The following PSMC2 variants were observed in gnomAD, a reference collection of about 807,000 sequenced individuals.
The protein encoded by PSMC2 is 26S proteasome regulatory subunit 7.
A neutral mutation model predicts 53.3 loss-of-function variants in PSMC2; 7 were observed. The observed-to-expected ratio is 0.13, with a 90% CI of 0.07 to 0.25. The LOEUF is 0.25. PSMC2 is among the 10% of genes least tolerant of loss of function. The pLI, the probability that PSMC2 is intolerant of heterozygous loss-of-function variation, is 1.00. For synonymous variants in PSMC2, 169 were observed against 183.9 expected (o/e 0.92, Z 0.66); for missense variants, 241 against 544.0 (o/e 0.44, Z 5.54).
At position 103,367,945 on chromosome 7, in the gene PSMC2, G is replaced by C; in HGVS notation, c.1193G>C (p.Arg398Thr). ...VCTEAGMFAIRARRKIATEKD... is the reference protein window; with the variant it reads ...VCTEAGMFAITARRKIATEKD... Reference sequence around the variant, plus strand: ...ACAGAGGCTGGTATGTTTGCCATCAGAGCACGGCGAAAAATTGCTACCGAG... The same window carrying C: ...ACAGAGGCTGGTATGTTTGCCATCACAGCACGGCGAAAAATTGCTACCGAG... Residue 398 changes from arginine to threonine, a missense_variant, in exon 12 of 12, where the codon AGA (arginine) becomes ACA (threonine). Transcript: ENST00000292644. This position sits in a 1 kb window ranked among gnomAD's most constrained non-coding sequence, Gnocchi z 6.1. 1 of 1,614,086 alleles carries C rather than the reference G, an allele frequency of 6.2e-7. No individual in the cohort carries two copies. Among genetic ancestry groups the C allele is most frequent in the Non-Finnish European group, 8.5e-7 (1 of 1,180,012 alleles).
chr7:103,355,669 A>C, intron 3 of PSMC2, 25 bp from the exon 4 acceptor site: 1 of 1,563,400 alleles, frequency 6.4e-7, no homozygotes, highest in Non-Finnish European at 8.8e-7. Context: ...CATTTTAGTA[A>C]ATTTTGTCAT....
intron 3 of PSMC2, 123 bp from the exon 4 acceptor site, chr7:103,355,571 T>G (rs1819986557): frequency 2.9e-6 from 2 of 696,120 alleles, no homozygotes; most frequent in Non-Finnish European, 4.9e-6. Context: ...CAGTCTATAA[T>G]GCACATGATA....
chr7:103,355,923 A>G (rs904438383), intron 4 of PSMC2, 130 bp downstream of exon 4: 3 of 618,462 alleles, frequency 4.9e-6, no homozygotes, highest in African/African-American at 3.6e-5. Context: ...AAAGCTTTCT[A>G]CAAAACTGGG....
chr7:103,354,513 C>T (rs372152575), intron 2 of PSMC2, among the ~76,000 whole-genome samples: 2 of 151,942 alleles, frequency 1.3e-5, no homozygotes, highest in South Asian at 2.1e-4. Context: ...GGATTATGAG[C>T]GCCCACCACC....
intron 8 of PSMC2, among the ~76,000 whole-genome samples, chr7:103,364,954 C>CGTACATATATATATATAT (rs1486934625): frequency 5.1e-5 from 2 of 38,962 alleles, no homozygotes; most frequent in Non-Finnish European, 9.0e-5. Flanking sequence ...TGTTTGTAGA[C>CGTACATATATATATATAT]ATACATATAT....
At chr7:103,360,686 G>GT (rs1820333399) in intron 4 of PSMC2, among the ~76,000 whole-genome samples, 1 of 152,060 alleles carries the variant, frequency 6.6e-6, no homozygotes, top group African/African-American at 2.4e-5. Flanking sequence ...TCTGTTTTTT[G>GT]TTTTTGTTTT....
chr7:103,367,905 A>G lies in PSMC2; in HGVS notation c.1153A>G (p.Ile385Val). The G allele has an allele frequency of 6.2e-7, 1 of 1,613,600 alleles. No individual in the cohort carries two copies. Among genetic ancestry groups the G allele is most frequent in the East Asian group, 2.2e-5 (1 of 44,866 alleles). The change falls in exon 12 of 12, where the codon ATT becomes GTT. Residue 385 changes from isoleucine (I) to valine (V), a missense_variant. Coordinates refer to ENST00000292644, the MANE Select transcript of PSMC2 (RefSeq NM_002803.4). This position sits in a 1 kb window ranked among gnomAD's most constrained non-coding sequence, Gnocchi z 6.1. Reference sequence around the variant, plus strand: ...TTCTTTTTGTTTGAAAGGTGCTGAGATTAGAAGCGTCTGCACAGAGGCTGG... The same window carrying G: ...TTCTTTTTGTTTGAAAGGTGCTGAGGTTAGAAGCGTCTGCACAGAGGCTGG... ...RLCPNSTGAEIRSVCTEAGMF... is the reference protein window; with the variant it reads ...RLCPNSTGAEVRSVCTEAGMF...
At chr7:103,349,702 G>A (rs1819686595) in intron 1 of PSMC2, among the ~76,000 whole-genome samples, 1 of 152,040 alleles carries the variant, frequency 6.6e-6, no homozygotes. Context: ...CGCCCACCTT[G>A]GCCTCCCAAA....
At chr7:103,354,087 A>G (rs937436170) in intron 2 of PSMC2, 129 bp downstream of exon 2, 12 of 694,372 alleles carry the variant, frequency 1.7e-5, no homozygotes, top group African/African-American at 3.7e-5. Flanking sequence ...CAAAAAATAA[A>G]ATAAAAAGAA....
intron 4 of PSMC2, among the ~76,000 whole-genome samples, chr7:103,359,058 G>A (rs577319984): frequency 9.0e-5 from 13 of 144,934 alleles, no homozygotes; most frequent in South Asian, 2.2e-4. Context: ...ATCTCAGCTC[G>A]CTGCAGCCTC....
chr7:103,360,084 A>G (rs889861519), intron 4 of PSMC2, among the ~76,000 whole-genome samples: 3 of 152,106 alleles, frequency 2.0e-5, no homozygotes, highest in Non-Finnish European at 1.5e-5. Flanking sequence ...GTCTCAAAAA[A>G]AAAAAAAAAG....
intron 2 of PSMC2, 152 bp downstream of exon 2, chr7:103,354,110 G>A (rs1252794656): frequency 1.6e-6 from 1 of 628,576 alleles, no homozygotes; most frequent in Non-Finnish European, 2.6e-6. Flanking sequence ...AATTAGAAAA[G>A]AATGTCTGGC....
intron 4 of PSMC2, among the ~76,000 whole-genome samples, chr7:103,360,547 C>T (rs1214652731): frequency 6.6e-6 from 1 of 152,196 alleles, no homozygotes; most frequent in Non-Finnish European, 1.5e-5. Flanking sequence ...GTGCATCCCA[C>T]CACACCTGGC....
rs755737635 is a variant in PSMC2, at chr7:103,364,301, C to T, written c.750C>T (p.Val250=). The T allele has an allele frequency of 5.0e-6, 8 of 1,613,518 alleles. No homozygotes were observed. Among genetic ancestry groups the T allele is most frequent in the African/African-American group, 4.0e-5 (3 of 74,878 alleles). ...GATCTGAGCTTGTACAGAAATACGT[C>T]GGTGAGGTAAAGTAAATTTATCAAA... The part of the protein sequence containing the change: ...VIGSELVQKY[V]GEGARMVREL... Residue 250 remains valine, a synonymous_variant, in exon 8 of 12, where the codon GTC becomes GTT. Transcript: ENST00000292644.
intron 4 of PSMC2, among the ~76,000 whole-genome samples, chr7:103,356,095 T>C (rs1820016929): frequency 6.6e-6 from 1 of 152,130 alleles, no homozygotes; most frequent in African/African-American, 2.4e-5. Context: ...CTGAAATAGT[T>C]TGGCCCTCGT....
rs953294179 is a variant in PSMC2, at chr7:103,348,664, C to T, written c.70+883C>T. 1.1e-5 allele frequency: 18 copies of T among 1,571,128 alleles called. No homozygotes were observed. In the Admixed American group the frequency reaches 1.7e-4, roughly 15 times the overall value. ...ATTCGGCCAGGGTTCTCGCTCTTGT[C>T]GCGTCTGTTCAAACCGGCACGGTCT... On this transcript the variant is annotated intron_variant, in intron 1 of 11. Coordinates refer to ENST00000292644, the MANE Select transcript of PSMC2 (RefSeq NM_002803.4).
chr7:103,353,307 C>T (rs1354860113), intron 1 of PSMC2, among the ~76,000 whole-genome samples: 1 of 151,822 alleles, frequency 6.6e-6, no homozygotes, highest in East Asian at 1.9e-4. Flanking sequence ...CATTGTATTT[C>T]CTTTTCTTTT....
intron 4 of PSMC2, among the ~76,000 whole-genome samples, chr7:103,360,632 T>C (rs899656986): frequency 2.6e-5 from 4 of 152,198 alleles, no homozygotes; most frequent in Non-Finnish European, 5.9e-5. Context: ...TGTATTTCTC[T>C]GTAATTCTTG....
At chr7:103,352,781 G>A (rs1272975758) in intron 1 of PSMC2, 1 of 775,916 alleles carries the variant, frequency 1.3e-6, no homozygotes, top group East Asian at 2.4e-5. Context: ...GTTCAGAAGT[G>A]TTAAGTGACT....
Sources: allele counts gnomAD v4.1 joint callset (sites outside exome capture counted in the v4.1 genomes callset), GRCh38; gene constraint gnomAD v4.1.1; non-coding constraint Gnocchi (gnomAD v3.1); transcripts MANE v1.5; gene names NCBI Gene and HGNC (gene_info 2026-07-23, HGNC 2026-07-21).